The following DNAH14 variants were observed in gnomAD, a reference collection of about 807,000 sequenced individuals.
DNAH14 encodes the protein dynein axonemal heavy chain 14.
DNAH14 carries 478 observed loss-of-function variants against 520.9 expected under a neutral mutation model. The observed-to-expected ratio is 0.92, with a 90% CI of 0.85 to 0.99. DNAH14 has a LOEUF of 0.99. Among genes scored for constraint, DNAH14 ranks in the 50% least tolerant of loss-of-function variants. DNAH14 has a pLI of 0.00. For missense variants in DNAH14, 4,831 were observed against 5,234.5 expected (o/e 0.92, Z 2.38); for synonymous variants, 1,581 against 1,757.2 (o/e 0.90, Z 2.51).
chr1:225,188,506 A>G (rs551160975), intron 37 of DNAH14, among the ~76,000 whole-genome samples: 2 of 152,150 alleles, frequency 1.3e-5, no homozygotes, highest in South Asian at 4.1e-4. Context: ...AGGGAAAAAT[A>G]TAATATATAA....
chr1:225,029,787 GAGA>G (rs796275529), intron 11 of DNAH14, among the ~76,000 whole-genome samples: 2 of 151,904 alleles, frequency 1.3e-5, no homozygotes, highest in South Asian at 2.1e-4. Flanking sequence ...TTGAAAAAGT[GAGA>G]AGAAGACAGT....
rs2076992158 is a variant in DNAH14, at chr1:225,117,951, C to A, written c.4043C>A (p.Ala1348Asp). 1 of 1,551,484 alleles carries A rather than the reference C, an allele frequency of 6.4e-7. No individual in the cohort carries two copies. The highest frequency in any genetic ancestry group is 8.7e-7 in the Non-Finnish European group (1 of 1,146,830). ...LIWKQDIGPP[A>D]VKMLISAEGE... ...TGGAAACAAGACATTGGCCCTCCTG[C>A]TGTAAAAATGCTAATATCTGCTGAA... is the stretch of plus-strand genomic sequence containing the variant. Residue 1348 changes from alanine to aspartate, a missense_variant, in exon 25 of 86, where the codon GCT becomes GAT. Physicochemically the swap from Ala to Asp is moderately radical, Grantham distance 126. Coordinates refer to ENST00000682510, the MANE Select transcript of DNAH14 (RefSeq NM_001367479.1).
At chr1:225,376,720 G>T (rs1422910886) in intron 78 of DNAH14, among the ~76,000 whole-genome samples, 2 of 152,020 alleles carry the variant, frequency 1.3e-5, no homozygotes, top group African/African-American at 4.8e-5. Flanking sequence ...TTTAATCAGT[G>T]ACTGTTATTT....
At chr1:225,180,331 TGTCTTG>T (rs1197669355) in intron 36 of DNAH14, among the ~76,000 whole-genome samples, 1 of 152,210 alleles carries the variant, frequency 6.6e-6, no homozygotes, top group Non-Finnish European at 1.5e-5. Flanking sequence ...TTTCACTGTG[TGTCTTG>T]GTCTGTTTTG....
chr1:225,152,104 C>T, intron 32 of DNAH14, 31 bp downstream of exon 32: 1 of 1,510,132 alleles, frequency 6.6e-7, no homozygotes, highest in Non-Finnish European at 8.9e-7. Flanking sequence ...TGGGAATAGA[C>T]ACAGACAAAA....
At chr1:225,304,499 G>A (rs967673675) in intron 57 of DNAH14, among the ~76,000 whole-genome samples, 8 of 152,048 alleles carry the variant, frequency 5.3e-5, no homozygotes, top group African/African-American at 1.4e-4. Flanking sequence ...TTGAGGCTAC[G>A]TGAGCTACTA....
chr1:225,066,346 C>G (rs2070881027), intron 17 of DNAH14, among the ~76,000 whole-genome samples: 1 of 150,380 alleles, frequency 6.6e-6, no homozygotes, highest in African/African-American at 2.4e-5. Flanking sequence ...TGATGTAATC[C>G]TATTCATCTC....
At chr1:225,059,574 G>A (rs200461201) in intron 17 of DNAH14, among the ~76,000 whole-genome samples, 5,586 of 143,116 alleles carry the variant, frequency 0.039, no homozygotes, top group East Asian at 0.15. Flanking sequence ...TTATTATGAT[G>A]TTAGCTGGTT....
intron 69 of DNAH14, among the ~76,000 whole-genome samples, chr1:225,341,784 AT>A (rs2095186972): frequency 6.6e-6 from 1 of 152,246 alleles, no homozygotes; most frequent in Non-Finnish European, 1.5e-5. Context: ...AGAAACATAA[AT>A]TCCTGAGTCA....
In DNAH14 at chr1:224,935,403, G is replaced by T. The variant is rs60660219; in HGVS notation, c.-34+5568G>T. On this transcript the variant is annotated intron_variant, in intron 1 of 85. Coordinates refer to ENST00000682510, the MANE Select transcript of DNAH14 (RefSeq NM_001367479.1). ...AAAGGGATAGAAAAAGATATTCCATGCAAATGGAAGCCAAAAGGGAGTAGG... is the reference window on the plus strand; with the variant it reads ...AAAGGGATAGAAAAAGATATTCCATTCAAATGGAAGCCAAAAGGGAGTAGG... Among the ~76,000 whole-genome samples the T allele has an allele frequency of 4.7e-3, 718 of 151,902 alleles. 3 individuals carry two copies. Among genetic ancestry groups the T allele is most frequent in the African/African-American group, 0.016 (674 of 41,520 alleles).
chr1:225,233,771 G>A (rs1231534097), intron 42 of DNAH14, among the ~76,000 whole-genome samples: 1 of 152,048 alleles, frequency 6.6e-6, no homozygotes, highest in African/African-American at 2.4e-5. Context: ...ATTTTGCTGT[G>A]CAGATGCTCT....
chr1:225,148,092 C>A (rs931247956), intron 31 of DNAH14, among the ~76,000 whole-genome samples: 3 of 152,144 alleles, frequency 2.0e-5, no homozygotes, highest in African/African-American at 7.2e-5. Context: ...CTGCAATGAA[C>A]ATACCCAGGC....
At chr1:224,941,793 A>G (rs935703024) in intron 1 of DNAH14, among the ~76,000 whole-genome samples, 3 of 152,084 alleles carry the variant, frequency 2.0e-5, no homozygotes, top group Non-Finnish European at 4.4e-5. Context: ...TGTTTTTGTC[A>G]GGTTTGTCAA....
rs1558099704 is a variant in DNAH14, at chr1:225,231,124, C to T, written c.6491C>T (p.Ser2164Phe). The change falls in exon 42 of 86, where the codon TCT becomes TTT. Residue 2164 changes from serine to phenylalanine, a missense_variant. Physicochemically the swap from Ser to Phe is radical, Grantham distance 155 (BLOSUM62 -2). Transcript: ENST00000682510. ...SSKEANSQRE[S>F]VTFKDIEKRD... is the part of the protein sequence containing the mutation. ...AAGGAGGCAAATTCCCAAAGAGAGTCTGTCACATTCAAGGATATAGAAAAG... is the reference window on the plus strand; with the variant it reads ...AAGGAGGCAAATTCCCAAAGAGAGTTTGTCACATTCAAGGATATAGAAAAG... 6.5e-7 allele frequency: 1 copy of T among 1,547,356 alleles called. No homozygotes were observed. The highest frequency in any genetic ancestry group is 8.7e-7 in the Non-Finnish European group (1 of 1,144,960).
intron 57 of DNAH14, among the ~76,000 whole-genome samples, chr1:225,303,751 AAC>A (rs1311348117): frequency 6.6e-6 from 1 of 152,200 alleles, no homozygotes; most frequent in African/African-American, 2.4e-5. Flanking sequence ...CACAAGCCAC[AAC>A]ACAAAATTAA....
intron 37 of DNAH14, among the ~76,000 whole-genome samples, chr1:225,190,009 C>G (rs560270333): frequency 1.3e-5 from 2 of 151,782 alleles, no homozygotes; most frequent in South Asian, 2.1e-4. Context: ...GTGTCCCCCC[C>G]ACCCAAAATT....
At chr1:225,188,458 G>A (rs1246731605) in intron 37 of DNAH14, among the ~76,000 whole-genome samples, 1 of 151,844 alleles carries the variant, frequency 6.6e-6, no homozygotes, top group East Asian at 1.9e-4. Context: ...ATCTTACTGT[G>A]CCTAATTTCT....
chr1:225,368,129 G>A, intron 77 of DNAH14, 97 bp downstream of exon 77: 1 of 1,090,888 alleles, frequency 9.2e-7, no homozygotes, highest in Admixed American at 2.7e-5. Context: ...TGTTTTACAT[G>A]GTGGTAAGAA....
intron 23 of DNAH14, among the ~76,000 whole-genome samples, chr1:225,102,575 T>C (rs1422532240): frequency 1.3e-5 from 2 of 152,218 alleles, no homozygotes; most frequent in Non-Finnish European, 2.9e-5. Context: ...TTTTTAATGA[T>C]CGCCATTCTA....
Sources: gnomAD v4.1 joint callset for allele counts (sites outside exome capture counted in the v4.1 genomes callset) on GRCh38, gnomAD v4.1.1 for gene constraint, MANE v1.5 for transcripts, NCBI Gene and HGNC (gene_info 2026-07-23, HGNC 2026-07-21) for gene names.